SLC8A1: variants seen among roughly 807,000 people sequenced by gnomAD.
SLC8A1 encodes solute carrier family 8 member A1, also known as sodium/calcium exchanger 1.
SLC8A1 carries 18 observed loss-of-function variants against 68.3 expected under a neutral mutation model. That is an observed-to-expected ratio of 0.26 (90% CI 0.18 to 0.39). SLC8A1 has a LOEUF of 0.39. SLC8A1 is among the 10% of genes least tolerant of loss of function. SLC8A1 has a pLI of 1.00. For synonymous variants in SLC8A1, 475 were observed against 415.5 expected (o/e 1.14, Z -1.74); for missense variants, 985 against 1,156.7 (o/e 0.85, Z 2.15).
At chr2:40,272,627 ACTAACCAAGT>A (rs2066187053) in intron 2 of SLC8A1, among the ~76,000 whole-genome samples, 1 of 152,224 alleles carries the variant, frequency 6.6e-6, no homozygotes, top group South Asian at 2.1e-4. Context: ...TGAGCTCACC[ACTAACCAAGT>A]CACAACAAGC....
chr2:40,329,012 G>C (rs1182405884), intron 2 of SLC8A1, among the ~76,000 whole-genome samples: 1 of 150,262 alleles, frequency 6.7e-6, no homozygotes, highest in Non-Finnish European at 1.5e-5. Context: ...GTCCCTTATG[G>C]TTTCAACTCA....
intron 2 of SLC8A1, chr2:40,189,813 T>C (rs2051416795): frequency 6.6e-6 from 1 of 152,206 alleles, no homozygotes; most frequent in African/African-American, 2.4e-5. Context: ...TTAGCTCTTT[T>C]AGAGGCCAAA....
chr2:40,488,278 C>CTT (rs1188678596), intron 1 of SLC8A1, among the ~76,000 whole-genome samples: 5 of 151,724 alleles, frequency 3.3e-5, no homozygotes, highest in African/African-American at 1.2e-4. Context: ...GAATAATCCT[C>CTT]CTCTCCCCTC....
intron 1 of SLC8A1, among the ~76,000 whole-genome samples, chr2:40,434,913 T>C (rs531917995): frequency 6.6e-6 from 1 of 152,108 alleles, no homozygotes; most frequent in Non-Finnish European, 1.5e-5. Context: ...CTACAAGAGA[T>C]AGATCCAACT....
At chr2:40,154,346 C>T (rs1358329927) in intron 6 of SLC8A1, among the ~76,000 whole-genome samples, 1 of 131,790 alleles carries the variant, frequency 7.6e-6, no homozygotes, top group East Asian at 2.2e-4. Flanking sequence ...CTCTGTCACC[C>T]AGGCTGGAGT....
At chr2:40,364,677 A>G (rs1484314886) in intron 2 of SLC8A1, among the ~76,000 whole-genome samples, 1 of 152,012 alleles carries the variant, frequency 6.6e-6, no homozygotes, top group Non-Finnish European at 1.5e-5. Flanking sequence ...CCATTTACTA[A>G]TATTTAATGA....
At chr2:40,488,236 A>AAG (rs1230171603) in intron 1 of SLC8A1, among the ~76,000 whole-genome samples, 1 of 151,882 alleles carries the variant, frequency 6.6e-6, no homozygotes, top group African/African-American at 2.4e-5. Flanking sequence ...AAAAAAAAAA[A>AAG]AAAGACTGAA....
intron 2 of SLC8A1, among the ~76,000 whole-genome samples, chr2:40,328,491 G>A (rs1368003055): frequency 6.8e-6 from 1 of 147,058 alleles, no homozygotes; most frequent in Non-Finnish European, 1.5e-5. Flanking sequence ...TATTTCTGTA[G>A]GTAATGTCAC....
At chr2:40,391,748 C>T (rs887591091) in intron 2 of SLC8A1, among the ~76,000 whole-genome samples, 6 of 151,978 alleles carry the variant, frequency 3.9e-5, no homozygotes, top group Admixed American at 2.6e-4. Flanking sequence ...GGCACTGAAA[C>T]CAAATACCTT....
intron 2 of SLC8A1, among the ~76,000 whole-genome samples, chr2:40,394,116 C>A (rs34364604): frequency 1.3e-5 from 2 of 152,094 alleles, no homozygotes; most frequent in East Asian, 1.9e-4. Context: ...GACAGCCCCC[C>A]ACAAAGAAGA....
At chr2:40,466,430 G>T (rs532718676) in intron 1 of SLC8A1, among the ~76,000 whole-genome samples, 1 of 152,084 alleles carries the variant, frequency 6.6e-6, no homozygotes, top group Non-Finnish European at 1.5e-5. Context: ...TGTCTTAAAG[G>T]TCCTCTACAG....
chr2:40,342,320 A>G (rs1667952353), intron 2 of SLC8A1, among the ~76,000 whole-genome samples: 1 of 152,156 alleles, frequency 6.6e-6, no homozygotes, highest in South Asian at 2.1e-4. Context: ...CTGGATCTCT[A>G]ATTAATAAAT....
At chr2:40,144,813 CAT>C (rs1553357550) in intron 6 of SLC8A1, among the ~76,000 whole-genome samples, 1 of 152,014 alleles carries the variant, frequency 6.6e-6, no homozygotes, top group Non-Finnish European at 1.5e-5. Flanking sequence ...AAAATTTTAT[CAT>C]ATGCATTTGA....
chr2:40,259,901 C>T (rs368248), intron 2 of SLC8A1, among the ~76,000 whole-genome samples: 2 of 151,936 alleles, frequency 1.3e-5, no homozygotes, highest in African/African-American at 2.4e-5. Flanking sequence ...GTTTACTGCT[C>T]GCTGCACAGG....
chr2:40,228,348 G>T (rs1285471691), intron 2 of SLC8A1, among the ~76,000 whole-genome samples: 1 of 152,204 alleles, frequency 6.6e-6, no homozygotes, highest in African/African-American at 2.4e-5. Context: ...AAGCAGTATA[G>T]ATAGATTTAG....
intron 2 of SLC8A1, among the ~76,000 whole-genome samples, chr2:40,320,653 G>A (rs1398662542): frequency 6.6e-6 from 1 of 152,126 alleles, no homozygotes; most frequent in Non-Finnish European, 1.5e-5. Context: ...GTTAAGAAAA[G>A]TGTTAAGACA....
chr2:40,312,061 G>A (rs142224573), intron 2 of SLC8A1, among the ~76,000 whole-genome samples: 1 of 151,906 alleles, frequency 6.6e-6, no homozygotes, highest in Non-Finnish European at 1.5e-5. Flanking sequence ...TTCTCCCTAG[G>A]CTAGACAAAA....
intron 2 of SLC8A1, among the ~76,000 whole-genome samples, chr2:40,249,124 C>CATTG (rs368064408): frequency 3.9e-5 from 6 of 152,166 alleles, no homozygotes; most frequent in South Asian, 2.1e-4. Context: ...TCATCAAGTT[C>CATTG]ATTGATTAAG....
intron 4 of SLC8A1, among the ~76,000 whole-genome samples, chr2:40,172,698 T>C (rs1281909980): frequency 6.6e-6 from 1 of 152,016 alleles, no homozygotes; most frequent in South Asian, 2.1e-4. Context: ...ATCCCAGCAC[T>C]TTGGGAGGCC....
Sources: gnomAD v4.1 joint callset for allele counts (sites outside exome capture counted in the v4.1 genomes callset) on GRCh38, gnomAD v4.1.1 for gene constraint, MANE v1.5 for transcripts, NCBI Gene and HGNC (gene_info 2026-07-23, HGNC 2026-07-21) for gene names.